PTPN3: variants seen among roughly 807,000 people sequenced by gnomAD.
The protein encoded by PTPN3 is tyrosine-protein phosphatase non-receptor type 3.
Under a neutral mutation model 132.7 loss-of-function variants are expected in PTPN3, and 96 were observed. The ratio of observed to expected loss-of-function variants is 0.72; its 90% confidence interval spans 0.61 to 0.86. The LOEUF (loss-of-function observed/expected upper bound fraction) is 0.86, where lower values mean the gene tolerates loss of function less well. PTPN3 is among the 40% of genes least tolerant of loss of function. The pLI, the probability that PTPN3 is intolerant of heterozygous loss-of-function variation, is 0.00. For missense variants in PTPN3, 1,125 were observed against 1,159.6 expected (o/e 0.97, Z 0.43); for synonymous variants, 398 against 429.0 (o/e 0.93, Z 0.89).
chr9:109,422,937 C>G, intron 12 of PTPN3, 85 bp from the exon 13 acceptor site: 1 of 1,496,536 alleles, frequency 6.7e-7, no homozygotes, highest in Non-Finnish European at 9.2e-7. Flanking sequence ...TCTACACATG[C>G]TTCTTGTCTG....
At chr9:109,534,918 T>C in the PTPN3 span, among the ~76,000 whole-genome samples, 1 of 152,252 alleles carries the variant, frequency 6.6e-6, no homozygotes. Context: ...TCGTGGGTCA[T>C]AGCTCTTTTT....
intron 14 of PTPN3, among the ~76,000 whole-genome samples, chr9:109,416,032 C>A (rs1842461667): frequency 6.6e-6 from 1 of 152,202 alleles, no homozygotes; most frequent in Non-Finnish European, 1.5e-5. Context: ...GTATGCAGAT[C>A]CTTCCTCCAC....
chr9:109,534,654 T>C, the PTPN3 span, among the ~76,000 whole-genome samples: 3 of 122,338 alleles, frequency 2.5e-5, no homozygotes, highest in East Asian at 2.1e-4. Context: ...AAAAAAAAAA[T>C]ACCTGGGCGT....
intron 17 of PTPN3, 91 bp from the exon 18 acceptor site, chr9:109,406,709 G>A: frequency 1.1e-5 from 16 of 1,521,690 alleles, no homozygotes; most frequent in Non-Finnish European, 1.4e-5. Flanking sequence ...AGACACCTGG[G>A]ACCATGATCA....
At chr9:109,444,975 G>A (rs963558189) in intron 7 of PTPN3, among the ~76,000 whole-genome samples, 9 of 152,256 alleles carry the variant, frequency 5.9e-5, no homozygotes, top group South Asian at 2.1e-4. Context: ...ACAGCTGTCT[G>A]CTGTCTGATG....
chr9:109,410,871 T>C (rs182625412), intron 14 of PTPN3, among the ~76,000 whole-genome samples: 5 of 152,290 alleles, frequency 3.3e-5, no homozygotes, highest in Admixed American at 3.3e-4. Flanking sequence ...AACAGGACTG[T>C]TGTTGTTGTG....
chr9:109,408,792 A>ATATAT (rs1485415942), intron 16 of PTPN3, among the ~76,000 whole-genome samples: 2,783 of 62,142 alleles, frequency 0.045, 50 homozygotes, highest in Admixed American at 0.058. Flanking sequence ...AAAAAAAAAA[A>ATATAT]AAAAATATAT....
intron 18 of PTPN3, 86 bp from the exon 19 acceptor site, chr9:109,404,694 C>T (rs1294848864): frequency 7.6e-7 from 1 of 1,316,570 alleles, no homozygotes; most frequent in Non-Finnish European, 9.8e-7. Context: ...CCTATGACAC[C>T]TGAATGCAGA....
In PTPN3 at chr9:109,498,271, G is replaced by A. The variant is rs1453019002; in HGVS notation, c.-70C>T. The A allele has an allele frequency of 1.4e-5, 2 of 146,410 alleles. No individual in the cohort carries two copies. Among genetic ancestry groups the A allele is most frequent in the African/African-American group, 2.4e-5 (1 of 40,856 alleles). 9.1% of individuals were successfully genotyped at this position (146,410 alleles called of 1,614,324 possible). A position where few individuals can be genotyped will look rare whatever the true frequency, so the allele number is the denominator to read the frequency against. Reference sequence around the variant, plus strand: ...CAGGTAGGTCGCGCGTGCGGGCGGCGCGGAAGCTCGCTCGCGGCGCGACCT... The same window carrying A: ...CAGGTAGGTCGCGCGTGCGGGCGGCACGGAAGCTCGCTCGCGGCGCGACCT... On this transcript the variant is annotated 5_prime_UTR_variant, in exon 1 of 26. Coordinates refer to ENST00000374541, the MANE Select transcript of PTPN3 (RefSeq NM_002829.4). The surrounding 1 kb of genome is among the most constrained non-coding windows in gnomAD (Gnocchi z 4.2).
At chr9:109,508,494 T>G in the PTPN3 span, among the ~76,000 whole-genome samples, 1 of 152,156 alleles carries the variant, frequency 6.6e-6, no homozygotes, top group Non-Finnish European at 1.5e-5. Flanking sequence ...CATCACATTT[T>G]GACTTGCATT....
chr9:109,386,785 G>C (rs1279016222), intron 22 of PTPN3, among the ~76,000 whole-genome samples: 1 of 152,212 alleles, frequency 6.6e-6, no homozygotes, highest in African/African-American at 2.4e-5. Context: ...CAGAGGGTTT[G>C]AGCAGGGAAA....
chr9:109,389,082 G>A, intron 22 of PTPN3, 151 bp downstream of exon 22: 1 of 969,554 alleles, frequency 1.0e-6, no homozygotes, highest in Non-Finnish European at 1.4e-6. Context: ...CCGTCACTAG[G>A]GGTGTCTATT....
chr9:109,534,023 CA>C, the PTPN3 span: 3 of 768,710 alleles, frequency 3.9e-6, no homozygotes, highest in Non-Finnish European at 7.2e-6. Context: ...TCCATTTCTA[CA>C]CTGCGAAGGT....
the PTPN3 span, among the ~76,000 whole-genome samples, chr9:109,528,602 C>T: frequency 3.3e-5 from 5 of 152,252 alleles, no homozygotes; most frequent in Admixed American, 2.6e-4. Context: ...TTTGGGAGGG[C>T]TGGATATATT....
At chr9:109,395,089 G>A (rs577860683) in intron 19 of PTPN3, among the ~76,000 whole-genome samples, 2 of 150,858 alleles carry the variant, frequency 1.3e-5, no homozygotes, top group Admixed American at 6.6e-5. Context: ...GCAGTGAGCC[G>A]AGATCGCGCC....
intron 7 of PTPN3, among the ~76,000 whole-genome samples, chr9:109,439,117 A>C (rs1330371842): frequency 6.6e-6 from 1 of 152,164 alleles, no homozygotes; most frequent in African/African-American, 2.4e-5. Context: ...CAACCTGTAC[A>C]AGTGTCCATG....
At chr9:109,474,659 G>T (rs1390967026) in intron 1 of PTPN3, among the ~76,000 whole-genome samples, 1 of 152,208 alleles carries the variant, frequency 6.6e-6, no homozygotes, top group Non-Finnish European at 1.5e-5. Flanking sequence ...GAACTCCACA[G>T]AAACTGATTT....
At chr9:109,397,211 G>A (rs772062829) in intron 19 of PTPN3, among the ~76,000 whole-genome samples, 2 of 152,214 alleles carry the variant, frequency 1.3e-5, no homozygotes, top group African/African-American at 4.8e-5. Context: ...GCTGTTTGCT[G>A]TATCAGCCAC....
intron 5 of PTPN3, chr9:109,449,240 A>T: frequency 9.7e-7 from 1 of 1,032,924 alleles, no homozygotes; most frequent in South Asian, 4.0e-5. Flanking sequence ...GCGCCCACAC[A>T]CTGGCAGGGC....
Sources: allele counts gnomAD v4.1 joint callset (sites outside exome capture counted in the v4.1 genomes callset), GRCh38; gene constraint gnomAD v4.1.1; non-coding constraint Gnocchi (gnomAD v3.1); transcripts MANE v1.5; gene names NCBI Gene and HGNC (gene_info 2026-07-23, HGNC 2026-07-21).